Variants in PLEKHA5 observed in about 807,000 individuals in gnomAD.
PLEKHA5 encodes the protein pleckstrin homology domain containing A5.
A neutral mutation model predicts 181.9 loss-of-function variants in PLEKHA5; 55 were observed. That is an observed-to-expected ratio of 0.30 (90% CI 0.24 to 0.38). The LOEUF is 0.38. Ranked by LOEUF, PLEKHA5 falls within the 10% of genes least tolerant of loss-of-function variation. The pLI, the probability that PLEKHA5 is intolerant of heterozygous loss-of-function variation, is 1.00. For synonymous variants in PLEKHA5, 535 were observed against 529.4 expected (o/e 1.01, Z -0.15); for missense variants, 1,432 against 1,549.5 (o/e 0.92, Z 1.27).
chr12:19,180,286 A>G (rs1176291837), intron 3 of PLEKHA5, among the ~76,000 whole-genome samples: 1 of 152,182 alleles, frequency 6.6e-6, no homozygotes, highest in Non-Finnish European at 1.5e-5. Context: ...TTACTCTGAA[A>G]GACTAGGTCA....
intron 16 of PLEKHA5, among the ~76,000 whole-genome samples, chr12:19,318,669 T>A (rs1457236799): frequency 6.6e-6 from 1 of 152,174 alleles, no homozygotes; most frequent in Non-Finnish European, 1.5e-5. Context: ...ACGCCTATAA[T>A]CCCAGCACTT....
intron 20 of PLEKHA5, among the ~76,000 whole-genome samples, chr12:19,331,408 T>C (rs2092817070): frequency 6.6e-6 from 1 of 152,208 alleles, no homozygotes. Flanking sequence ...CTCCCTATGT[T>C]GCCCAGGCTG....
At chr12:19,147,953 T>C (rs1475536942) in intron 3 of PLEKHA5, among the ~76,000 whole-genome samples, 1 of 152,196 alleles carries the variant, frequency 6.6e-6, no homozygotes, top group Non-Finnish European at 1.5e-5. Context: ...CCCAGGTTGA[T>C]CTCGAACTCC....
intron 3 of PLEKHA5, among the ~76,000 whole-genome samples, chr12:19,195,475 C>T (rs1302876462): frequency 6.6e-6 from 1 of 151,900 alleles, no homozygotes; most frequent in Non-Finnish European, 1.5e-5. Context: ...CGAGACCAGC[C>T]TGGGCAACAT....
At chr12:19,164,561 T>A (rs1412450577) in intron 3 of PLEKHA5, among the ~76,000 whole-genome samples, 3 of 152,172 alleles carry the variant, frequency 2.0e-5, no homozygotes, top group Non-Finnish European at 4.4e-5. Flanking sequence ...GATGTTAATC[T>A]TTCTTTCTTG....
chr12:19,291,723 T>A, intron 15 of PLEKHA5, 26 bp downstream of exon 15: 1 of 1,245,738 alleles, frequency 8.0e-7, no homozygotes, highest in Non-Finnish European at 1.1e-6. Context: ...ATTTTCTTAC[T>A]TTTAATACTT....
chr12:19,328,587 G>C (rs1014388291), intron 20 of PLEKHA5, among the ~76,000 whole-genome samples: 1 of 150,878 alleles, frequency 6.6e-6, no homozygotes, highest in African/African-American at 2.4e-5. Context: ...GTGTGTGTGT[G>C]TGTGTGTGTG....
intron 3 of PLEKHA5, among the ~76,000 whole-genome samples, chr12:19,164,302 G>A (rs558977892): frequency 1.3e-5 from 2 of 149,312 alleles, no homozygotes; most frequent in African/African-American, 2.5e-5. Context: ...GGGTTCAAGC[G>A]ATTCTCCTGC....
chr12:19,306,688 C>A (rs1565595654), intron 15 of PLEKHA5: 1 of 1,471,410 alleles, frequency 6.8e-7, no homozygotes, highest in Non-Finnish European at 9.5e-7. Flanking sequence ...TGAGCAGATG[C>A]GGACTCTCTT....
chr12:19,311,660 A>C (rs2086610236), intron 15 of PLEKHA5, among the ~76,000 whole-genome samples: 2 of 152,146 alleles, frequency 1.3e-5, no homozygotes, highest in East Asian at 3.8e-4. Context: ...AGATTGAAGC[A>C]ATTCGCTCAC....
chr12:19,354,623 G>T (rs1169495747), intron 26 of PLEKHA5, among the ~76,000 whole-genome samples: 1 of 150,970 alleles, frequency 6.6e-6, no homozygotes, highest in Non-Finnish European at 1.5e-5. Flanking sequence ...TGGGACTACA[G>T]GCGCCCACCA....
At chr12:19,338,337 C>T (rs569138264) in intron 21 of PLEKHA5, among the ~76,000 whole-genome samples, 10 of 152,062 alleles carry the variant, frequency 6.6e-5, no homozygotes, top group East Asian at 3.9e-4. Flanking sequence ...GTTCTGGGAT[C>T]GGCTGGACAC....
At chr12:19,313,674 A>G (rs1034042850) in intron 15 of PLEKHA5, among the ~76,000 whole-genome samples, 15 of 152,246 alleles carry the variant, frequency 9.9e-5, no homozygotes, top group Middle Eastern at 3.4e-3. Context: ...TCTAGTCTGA[A>G]TGAAATTTTT....
chr12:19,320,452 T>C (rs2153036139), intron 17 of PLEKHA5, 110 bp from the exon 18 acceptor site: 1 of 536,124 alleles, frequency 1.9e-6, no homozygotes, highest in Non-Finnish European at 3.3e-6. Context: ...CATTAAAATC[T>C]ATTTTTGTTA....
chr12:19,273,711 C>G (rs1157062588), intron 10 of PLEKHA5, among the ~76,000 whole-genome samples: 1 of 152,194 alleles, frequency 6.6e-6, no homozygotes, highest in Non-Finnish European at 1.5e-5. Context: ...TAGACACATG[C>G]TGTTAACGAG....
intron 10 of PLEKHA5, among the ~76,000 whole-genome samples, chr12:19,273,629 A>T (rs2073707581): frequency 6.6e-6 from 1 of 152,126 alleles, no homozygotes; most frequent in South Asian, 2.1e-4. Flanking sequence ...CAGAGTCTGG[A>T]AGTGATTAGG....
intron 15 of PLEKHA5, chr12:19,306,641 G>C: frequency 8.3e-7 from 1 of 1,204,896 alleles, no homozygotes; most frequent in South Asian, 1.2e-5. Context: ...CGGCGGCATC[G>C]AGGTAATAGG....
intron 11 of PLEKHA5, among the ~76,000 whole-genome samples, chr12:19,277,319 A>G (rs1404805492): frequency 6.6e-6 from 1 of 152,176 alleles, no homozygotes; most frequent in African/African-American, 2.4e-5. Context: ...CTTAAGTTTA[A>G]AAGTGTATAG....
chr12:19,134,296 T>C (rs2151008850), intron 3 of PLEKHA5, among the ~76,000 whole-genome samples: 1 of 152,056 alleles, frequency 6.6e-6, no homozygotes, highest in East Asian at 1.9e-4. Context: ...CTCTGGAAAA[T>C]TAAGACAATA....
Sources: gnomAD v4.1 joint callset for allele counts (sites outside exome capture counted in the v4.1 genomes callset) on GRCh38, gnomAD v4.1.1 for gene constraint, MANE v1.5 for transcripts, NCBI Gene and HGNC (gene_info 2026-07-23, HGNC 2026-07-21) for gene names.